BNC2: variants seen among roughly 807,000 people sequenced by gnomAD.
BNC2 encodes the protein zinc finger protein basonuclin-2.
In BNC2, 20 loss-of-function variants were observed where a neutral mutation model predicts 76.3. The observed-to-expected ratio is 0.26, with a 90% CI of 0.18 to 0.38. The LOEUF (loss-of-function observed/expected upper bound fraction) is 0.38. Ranked by LOEUF, BNC2 falls within the 10% of genes least tolerant of loss-of-function variation. The pLI is 1.00. For synonymous variants in BNC2, 582 were observed against 514.8 expected, an observed-to-expected ratio of 1.13 and a Z score of -1.77; for missense variants, 1,382 against 1,399.8, an observed-to-expected ratio of 0.99 and a Z score of 0.20.
chr9:16,827,632 T>TA (rs1297447625), intron 1 of BNC2, among the ~76,000 whole-genome samples: 1 of 152,078 alleles, frequency 6.6e-6, no homozygotes, highest in Non-Finnish European at 1.5e-5. Flanking sequence ...AAAAATGGGG[T>TA]GCGTGCAAAG....
chr9:16,646,311 C>G (rs911648531), intron 3 of BNC2, among the ~76,000 whole-genome samples: 1 of 152,168 alleles, frequency 6.6e-6, no homozygotes, highest in Non-Finnish European at 1.5e-5. Context: ...ATTTGTTAAA[C>G]TCAAGAGTTG....
At chr9:16,508,129 G>A (rs1176008729) in intron 5 of BNC2, among the ~76,000 whole-genome samples, 2 of 152,184 alleles carry the variant, frequency 1.3e-5, no homozygotes, top group Non-Finnish European at 2.9e-5. Flanking sequence ...TAAAGTTTAA[G>A]TACTGCAACA....
In BNC2 at chr9:16,436,551, G is replaced by C. The variant is rs751332295; in HGVS notation, c.1643C>G (p.Pro548Arg). The change falls in exon 6 of 7, where the codon CCT becomes CGT. Residue 548 changes from proline (P) to arginine (R), a missense_variant. By Grantham distance (103) the Pro-to-Arg change is moderately radical. Around this residue, in one of 3 missense-constraint regions of BNC2, gnomAD observed 798 missense variants for 775.5 expected, o/e 1.03. Coordinates refer to ENST00000380672, the MANE Select transcript of BNC2 (RefSeq NM_017637.6). ...PMGFTTPPLD[P>R]VLQNPLPSQL... ...GCTAGGGAGAGGATTTTGCAAGACA[G>C]GGTCTAGAGGGGGAGTGGTAAAACC... 2.5e-6 allele frequency: 4 copies of C among 1,614,148 alleles called. No homozygotes were observed. Among genetic ancestry groups the C allele is most frequent in the East Asian group, 2.2e-5 (1 of 44,876 alleles).
intron 3 of BNC2, among the ~76,000 whole-genome samples, chr9:16,587,576 T>C (rs879580580): frequency 6.6e-6 from 1 of 152,180 alleles, no homozygotes; most frequent in Non-Finnish European, 1.5e-5. Flanking sequence ...TCTCTCCCCA[T>C]CTGCATGAAC....
chr9:16,639,915 C>T (rs1821441445), intron 3 of BNC2, among the ~76,000 whole-genome samples: 2 of 152,076 alleles, frequency 1.3e-5, no homozygotes, highest in South Asian at 4.2e-4. Flanking sequence ...GAGTGAGACC[C>T]TGTCTCATTA....
chr9:16,487,828 T>A (rs1313072211), intron 5 of BNC2, among the ~76,000 whole-genome samples: 1 of 152,244 alleles, frequency 6.6e-6, no homozygotes, highest in African/African-American at 2.4e-5. Flanking sequence ...ATTCTTTCTC[T>A]TCCTCGAATG....
chr9:16,693,270 C>G (rs929541886), intron 3 of BNC2, among the ~76,000 whole-genome samples: 10 of 152,020 alleles, frequency 6.6e-5, no homozygotes, highest in Admixed American at 3.9e-4. Flanking sequence ...TGCTAGCAGC[C>G]TGGCCTATAA....
intron 3 of BNC2, among the ~76,000 whole-genome samples, chr9:16,602,866 C>T (rs1436945468): frequency 6.6e-6 from 1 of 152,156 alleles, no homozygotes; most frequent in Non-Finnish European, 1.5e-5. Context: ...TTGATGCTGC[C>T]AAACCCTCAT....
chr9:16,739,798 G>C (rs1824788338), intron 1 of BNC2, among the ~76,000 whole-genome samples: 2 of 152,172 alleles, frequency 1.3e-5, no homozygotes, highest in African/African-American at 4.8e-5. Flanking sequence ...CAAATGAGAA[G>C]TGTCAACAAT....
intron 4 of BNC2, among the ~76,000 whole-genome samples, chr9:16,557,302 C>T (rs1035284905): frequency 7.2e-5 from 11 of 151,970 alleles, no homozygotes; most frequent in African/African-American, 2.7e-4. Context: ...AGTTTGAGAC[C>T]AGGCTGGCCA....
chr9:16,421,353 A>AAGAG, intron 6 of BNC2: 1 of 1,127,654 alleles, frequency 8.9e-7, no homozygotes, highest in South Asian at 1.3e-5. Context: ...AAGAAAGAGA[A>AAGAG]AGAGAGAGAG....
intron 5 of BNC2, 81 bp from the exon 6 acceptor site, chr9:16,437,605 T>C (rs1423591359): frequency 9.4e-6 from 14 of 1,481,740 alleles, no homozygotes; most frequent in African/African-American, 2.8e-5. Flanking sequence ...CAACTGAAGG[T>C]GCTCTGTGTG....
intron 5 of BNC2, among the ~76,000 whole-genome samples, chr9:16,550,663 C>G (rs763591945): frequency 2.0e-5 from 3 of 152,178 alleles, no homozygotes; most frequent in Non-Finnish European, 4.4e-5. Flanking sequence ...ATGCTTGTGT[C>G]TCTGCGTAGG....
At chr9:16,582,805 C>T (rs1452743870) in intron 4 of BNC2, among the ~76,000 whole-genome samples, 178 bp downstream of exon 4, 1 of 151,880 alleles carries the variant, frequency 6.6e-6, no homozygotes. Flanking sequence ...TGAGAATATG[C>T]TGTTTTAGAG....
At chr9:16,685,544 C>A in intron 3 of BNC2, 1 of 1,303,972 alleles carries the variant, frequency 7.7e-7, no homozygotes, top group Non-Finnish European at 1.0e-6. Flanking sequence ...AAGACTCTAA[C>A]CTGGACTTCC....
intron 1 of BNC2, among the ~76,000 whole-genome samples, chr9:16,777,356 G>T (rs1301706758): frequency 6.6e-6 from 1 of 151,748 alleles, no homozygotes; most frequent in Non-Finnish European, 1.5e-5. Context: ...AAAACATGAG[G>T]AGCAAATTTG....
At chr9:16,750,972 C>T (rs1322925767) in intron 1 of BNC2, among the ~76,000 whole-genome samples, 1 of 152,164 alleles carries the variant, frequency 6.6e-6, no homozygotes, top group Non-Finnish European at 1.5e-5. Context: ...GCATTGCTAA[C>T]CAAGTACAGA....
chr9:16,513,744 C>A (rs185604291), intron 5 of BNC2, among the ~76,000 whole-genome samples: 20 of 152,142 alleles, frequency 1.3e-4, no homozygotes, highest in South Asian at 2.1e-4. Flanking sequence ...CGGGAAGGAC[C>A]GTAGGTTGAA....
chr9:16,477,652 A>G (rs1352258671), intron 5 of BNC2, among the ~76,000 whole-genome samples: 1 of 152,194 alleles, frequency 6.6e-6, no homozygotes, highest in Non-Finnish European at 1.5e-5. Context: ...AAAGTTTAAA[A>G]ATATTCATGG....
Sources: allele counts gnomAD v4.1 joint callset (sites outside exome capture counted in the v4.1 genomes callset), GRCh38; gene constraint gnomAD v4.1.1; regional missense constraint gnomAD v4.1.1; transcripts MANE v1.5; gene names NCBI Gene and HGNC (gene_info 2026-07-23, HGNC 2026-07-21).